The following MCM2 variants were observed in gnomAD, a reference collection of about 807,000 sequenced individuals.
The protein encoded by MCM2 is DNA replication licensing factor MCM2.
MCM2 carries 49 observed loss-of-function variants against 86.4 expected under a neutral mutation model. The ratio of observed to expected loss-of-function variants is 0.57; its 90% CI spans 0.45 to 0.72. The LOEUF is 0.72. Ranked by LOEUF, MCM2 falls within the 30% of genes least tolerant of loss-of-function variation. The pLI, the probability that MCM2 is intolerant of heterozygous loss-of-function variation, is 0.00. For synonymous variants in MCM2, 475 were observed against 484.6 expected (o/e 0.98, Z 0.26); for missense variants, 1,038 against 1,259.9 (o/e 0.82, Z 2.67).
intron 7 of MCM2, 89 bp downstream of exon 7, chr3:127,608,605 G>A: frequency 6.5e-7 from 1 of 1,532,588 alleles, no homozygotes. Context: ...GGTGTCTATG[G>A]TCGCAGGGGC....
rs879058440 is a variant in MCM2, at chr3:127,606,394, C to T, written c.893+57C>T. The T allele has an allele frequency of 5.2e-6, 8 of 1,548,936 alleles. No homozygotes were observed. Among genetic ancestry groups the T allele is most frequent in the Admixed American group, 1.7e-5 (1 of 58,308 alleles). On this transcript the variant is annotated intron_variant, in intron 5 of 15. Coordinates refer to ENST00000265056, the MANE Select transcript of MCM2 (RefSeq NM_004526.4). This position sits in a 1 kb window ranked among gnomAD's most constrained non-coding sequence, Gnocchi z 4.2. The stretch of plus-strand genomic sequence containing the variant: ...CGAGCTCAGTGCTGGGTGACTCGGT[C>T]GTGATTCCTGAAGAGCGATTGTGGT...
At chr3:127,607,320 G>A (rs2107689116) in intron 6 of MCM2, among the ~76,000 whole-genome samples, 1 of 152,376 alleles carries the variant, frequency 6.6e-6, no homozygotes, top group African/African-American at 2.4e-5. Flanking sequence ...TTAGGCACAT[G>A]TAATGTGCCT....
At position 127,618,923 on chromosome 3, in the gene MCM2, A is replaced by T. The variant is rs1403339391; in HGVS notation, c.2014-104A>T. On this transcript the variant is annotated intron_variant, in intron 12 of 15. Transcript: ENST00000265056. The surrounding 1 kb of genome is among the most constrained non-coding windows in gnomAD (Gnocchi z 4.0). ...GGTCAGTGTAGTCAGTCTTGTTGAA[A>T]GAGTGTCACCCTTGTAGGGCACACT... The T allele has an allele frequency of 4.6e-6, 6 of 1,294,280 alleles. No individual in the cohort carries two copies. The highest frequency in any genetic ancestry group is 6.2e-6 in the Non-Finnish European group (6 of 966,038). The allele number at this position is 1,294,280 out of a possible 1,614,324, so 80.2% of individuals were successfully genotyped here.
At chr3:127,610,601 T>G (rs917678652) in intron 8 of MCM2, among the ~76,000 whole-genome samples, 1 of 152,220 alleles carries the variant, frequency 6.6e-6, no homozygotes, top group African/African-American at 2.4e-5. Context: ...TGTTCCTTTC[T>G]TTACTCCTTG....
intron 2 of MCM2, among the ~76,000 whole-genome samples, chr3:127,603,458 AGCCCTTTT>A (rs2074320494): frequency 6.6e-6 from 1 of 150,840 alleles, no homozygotes; most frequent in South Asian, 2.1e-4. Flanking sequence ...CACCGCACCC[AGCCCTTTT>A]GTTTGTTTGT....
intron 6 of MCM2, among the ~76,000 whole-genome samples, chr3:127,607,969 CTT>C (rs1256345736): frequency 6.6e-6 from 1 of 152,218 alleles, no homozygotes; most frequent in Non-Finnish European, 1.5e-5. Context: ...CTTCCTGTAA[CTT>C]AACATTTATC....
Position 127,605,099 on chromosome 3 carries a change from C to T in MCM2, c.616C>T (p.His206Tyr). The T allele has an allele frequency of 6.2e-6, 10 of 1,614,080 alleles. No individual in the cohort carries two copies. Among genetic ancestry groups the T allele is most frequent in the Non-Finnish European group, 8.5e-6 (10 of 1,180,032 alleles). Reference protein sequence around the residue: ...HHRFKNFLRTHVDSHGHNVFK... With the variant: ...HHRFKNFLRTYVDSHGHNVFK... ...CCGCTTCAAGAACTTCCTGCGCACT[C>T]ACGTCGACAGCCACGGCCACAACGT... Residue 206 changes from histidine (H) to tyrosine (Y), a missense_variant, in exon 4 of 16, where the codon CAC (histidine) becomes TAC (tyrosine). Coordinates refer to ENST00000265056, the MANE Select transcript of MCM2 (RefSeq NM_004526.4).
At chr3:127,621,462 G>A (rs1253402620) in intron 15 of MCM2, among the ~76,000 whole-genome samples, 2 of 152,204 alleles carry the variant, frequency 1.3e-5, no homozygotes, top group Non-Finnish European at 2.9e-5. Flanking sequence ...CAGATACAGG[G>A]CAGCCAAGTA....
rs758230012 is a variant in MCM2 at position 127,604,799 on chromosome 3, T to C, written c.412+16T>C. Reference sequence around the variant, plus strand: ...CTCCTGTATGGTAGGTCCAGTTGTCTGCCTGCCCGAGGGACTGGGAAGCTG... The same window carrying C: ...CTCCTGTATGGTAGGTCCAGTTGTCCGCCTGCCCGAGGGACTGGGAAGCTG... On this transcript the variant is annotated intron_variant, in intron 3 of 15. Transcript: ENST00000265056. The C allele has an allele frequency of 2.5e-6, 4 of 1,576,412 alleles. No individual in the cohort carries two copies. Among genetic ancestry groups the C allele is most frequent in the Non-Finnish European group, 2.6e-6 (3 of 1,161,198 alleles).
At chr3:127,614,800 G>A (rs924567446) in intron 8 of MCM2, among the ~76,000 whole-genome samples, 9 of 152,138 alleles carry the variant, frequency 5.9e-5, no homozygotes, top group Admixed American at 1.3e-4. Flanking sequence ...TTTTGCCAGC[G>A]TGAACCTATT....
At position 127,607,180 on chromosome 3, in the gene MCM2, G is replaced by T. The variant is rs145872268; in HGVS notation, c.1101+363G>T. On this transcript the variant is annotated intron_variant, in intron 6 of 15. Transcript: ENST00000265056. Reference sequence around the variant, plus strand: ...ATGGTGCCATCACTCACGTGGGGTGGCTGCAGTCCCATCGGGACTTCCCCT... The same window carrying T: ...ATGGTGCCATCACTCACGTGGGGTGTCTGCAGTCCCATCGGGACTTCCCCT... 3.5e-3 allele frequency among the ~76,000 whole-genome samples: 535 copies of T among 152,330 alleles called. 2 individuals are homozygous for T. The highest frequency in any genetic ancestry group is 0.012 in the African/African-American group (516 of 41,574).
chr3:127,612,078 C>T (rs17497041), intron 8 of MCM2, among the ~76,000 whole-genome samples: 3 of 152,286 alleles, frequency 2.0e-5, no homozygotes, highest in South Asian at 2.1e-4. Flanking sequence ...CATAGAAATC[C>T]GGATGCTTTT....
Position 127,618,279 on chromosome 3 carries a change from C to T in MCM2, c.2013+198C>T, listed in dbSNP as rs1341811341. ...TTTCCTTCACAGCACCCCCGACCCC[C>T]ACCCTACATAACCCACAATCCACCA... is the stretch of plus-strand genomic sequence containing the variant. On this transcript the variant is annotated intron_variant, in intron 12 of 15. Transcript: ENST00000265056. This position sits in a 1 kb window ranked among gnomAD's most constrained non-coding sequence, Gnocchi z 4.0. 6.6e-6 allele frequency among the ~76,000 whole-genome samples: 1 copy of T among 152,094 alleles called. No homozygotes were observed. Among genetic ancestry groups the T allele is most frequent in the Non-Finnish European group, 1.5e-5 (1 of 68,016 alleles).
At position 127,606,892 on chromosome 3, in the gene MCM2, G is replaced by A; in HGVS notation, c.1101+75G>A. ...TATGCAGGACCTGACTGGCCTCTCAGGCTGTGGAAGACCAGTGTGGGCAGC... is the reference window on the plus strand; with the variant it reads ...TATGCAGGACCTGACTGGCCTCTCAAGCTGTGGAAGACCAGTGTGGGCAGC... On this transcript the variant is annotated intron_variant, in intron 6 of 15. Transcript: ENST00000265056. The surrounding 1 kb of genome is among the most constrained non-coding windows in gnomAD (Gnocchi z 4.2). 1 of 1,446,684 alleles carries A rather than the reference G, an allele frequency of 6.9e-7. No individual in the cohort carries two copies. The highest frequency in any genetic ancestry group is 2.3e-5 in the East Asian group (1 of 43,676). 89.6% of individuals were successfully genotyped at this position (1,446,684 alleles called of 1,614,324 possible).
At chr3:127,610,795 C>A (rs776195426) in intron 8 of MCM2, 14 of 456,612 alleles carry the variant, frequency 3.1e-5, no homozygotes, top group South Asian at 2.2e-4. Flanking sequence ...TCCAGAAATG[C>A]ATCCCTGGCA....
At chr3:127,614,731 G>A (rs959786167) in intron 8 of MCM2, among the ~76,000 whole-genome samples, 8 of 152,302 alleles carry the variant, frequency 5.3e-5, no homozygotes, top group South Asian at 4.1e-4. Context: ...AAATAGGCCC[G>A]CCGGGTGTTG....
rs773768812 is a variant in MCM2, at chr3:127,603,107, T to G, written c.237-1501T>G. 9.5e-5 allele frequency among the ~76,000 whole-genome samples: 14 copies of G among 146,988 alleles called. 1 individual carries two copies. Among genetic ancestry groups the G allele is most frequent in the Non-Finnish European group, 1.9e-4 (13 of 66,946 alleles). On this transcript the variant is annotated intron_variant, in intron 2 of 15. Transcript: ENST00000265056. ...GCTCACTGCAACCTCCGAAAGTGAT[T>G]CTCCTGCCTCAGCTTCCCAAGTAGC...
intron 8 of MCM2, among the ~76,000 whole-genome samples, chr3:127,612,900 G>T (rs1216189852): frequency 6.6e-6 from 1 of 152,210 alleles, no homozygotes; most frequent in Non-Finnish European, 1.5e-5. Flanking sequence ...TCCTCTGTAG[G>T]ATCGAGAGAA....
Position 127,598,423 on chromosome 3 carries a change from A to G in MCM2, c.-44A>G. The G allele has an allele frequency of 6.2e-7, 1 of 1,613,194 alleles. No individual in the cohort carries two copies. Among genetic ancestry groups the G allele is most frequent in the South Asian group, 1.1e-5 (1 of 91,002 alleles). ...GTCACGTGAACCACTTTTCGCGCGA[A>G]ACCTGGTTGTTGCTGTAGTGGCGGA... On this transcript the variant is annotated 5_prime_UTR_variant, in exon 1 of 16. Transcript: ENST00000265056.
Sources: gnomAD v4.1 joint callset for allele counts (sites outside exome capture counted in the v4.1 genomes callset) on GRCh38, gnomAD v4.1.1 for gene constraint, Gnocchi (gnomAD v3.1) non-coding constraint, MANE v1.5 for transcripts, NCBI Gene and HGNC (gene_info 2026-07-23, HGNC 2026-07-21) for gene names.